CDH1: variants seen among roughly 807,000 people sequenced by gnomAD.
The protein encoded by CDH1 is cadherin-1.
In CDH1, 35 loss-of-function variants were observed where a neutral mutation model predicts 84.5. That is an observed-to-expected ratio of 0.41 (90% CI 0.32 to 0.55). CDH1 has a LOEUF of 0.55. Among genes scored for constraint, CDH1 ranks in the 20% least tolerant of loss-of-function variants. CDH1 has a pLI of 0.19. For synonymous variants in CDH1, 417 were observed against 439.0 expected (o/e 0.95, Z 0.63); for missense variants, 994 against 1,126.6 (o/e 0.88, Z 1.68).
At chr16:68,819,811 G>A (rs188679976) in intron 11 of CDH1, among the ~76,000 whole-genome samples, 231 of 152,236 alleles carry the variant, frequency 1.5e-3, no homozygotes, top group African/African-American at 4.9e-3. Flanking sequence ...TTATATGTCT[G>A]ATTCGTTTCA....
intron 9 of CDH1, among the ~76,000 whole-genome samples, chr16:68,814,051 A>G (rs941120819): frequency 6.6e-6 from 1 of 150,850 alleles, no homozygotes; most frequent in African/African-American, 2.4e-5. Context: ...CCTGACCAAC[A>G]TGGTGAAACC....
chr16:68,823,161 A>G (rs1420317135), intron 12 of CDH1: 3 of 508,584 alleles, frequency 5.9e-6, no homozygotes, highest in South Asian at 4.2e-5. Flanking sequence ...CCCTCCAGCC[A>G]CTAGGCAGCT....
At position 68,768,193 on chromosome 16, in the gene CDH1, G is replaced by T. The variant is rs8056338; in HGVS notation, c.163+29782G>T. Among the ~76,000 whole-genome samples the T allele has an allele frequency of 1.8e-4, 27 of 151,846 alleles. 1 individual carries two copies. Among genetic ancestry groups the T allele is most frequent in the African/African-American group, 6.5e-4 (27 of 41,428 alleles). ...AGTCCTGACCTCAGGTGATCTGTCC[G>T]CCTTGGCCTCCCGAAGTGCTGGGAT... On this transcript the variant is annotated intron_variant, in intron 2 of 15. Coordinates refer to ENST00000261769, the MANE Select transcript of CDH1 (RefSeq NM_004360.5).
chr16:68,788,903 G>A (rs1490377485), intron 2 of CDH1, among the ~76,000 whole-genome samples: 1 of 152,130 alleles, frequency 6.6e-6, no homozygotes, highest in Non-Finnish European at 1.5e-5. Context: ...TGCTTGGGAG[G>A]CTGAGGCAGG....
chr16:68,759,487 C>CTTTT (rs141278700), intron 2 of CDH1, among the ~76,000 whole-genome samples: 1 of 136,124 alleles, frequency 7.3e-6, no homozygotes. Flanking sequence ...TCTTTTCTTT[C>CTTTT]TTTTTTTTTT....
chr16:68,784,450 C>G (rs963608558), intron 2 of CDH1, among the ~76,000 whole-genome samples: 3 of 152,132 alleles, frequency 2.0e-5, no homozygotes, highest in African/African-American at 7.2e-5. Context: ...GGCAGCACCC[C>G]CTTCCCTCTC....
At chr16:68,796,552 A>G (rs548625179) in intron 2 of CDH1, among the ~76,000 whole-genome samples, 2 of 152,282 alleles carry the variant, frequency 1.3e-5, no homozygotes, top group Admixed American at 1.3e-4. Flanking sequence ...ATGTTGCTGA[A>G]TGCTCAGAGC....
intron 2 of CDH1, among the ~76,000 whole-genome samples, chr16:68,774,135 G>A (rs1159653871): frequency 6.6e-6 from 1 of 152,146 alleles, no homozygotes; most frequent in Non-Finnish European, 1.5e-5. Flanking sequence ...GGCTGGTCTT[G>A]ATTCCTGGCC....
Position 68,822,525 on chromosome 16 carries a change from C to A in CDH1, c.1936+300C>A, listed in dbSNP as rs954211046. The stretch of plus-strand genomic sequence containing the variant: ...ACCAGGACCATCTTCTCTGCTACCT[C>A]CTGCTCCTGGGACCAAACAACACCA... On this transcript the variant is annotated intron_variant, in intron 12 of 15. Transcript: ENST00000261769. 13 of 537,820 alleles carry A rather than the reference C, an allele frequency of 2.4e-5. No individual in the cohort carries two copies. The African/African-American group carries it at 2.4e-4, about 10-fold the overall frequency. The allele number at this position is 537,820 out of a possible 1,614,324, so 33.3% of individuals were successfully genotyped here.
chr16:68,811,370 T>C (rs936593250), intron 6 of CDH1, among the ~76,000 whole-genome samples: 7 of 125,912 alleles, frequency 5.6e-5, no homozygotes, highest in African/African-American at 2.2e-4. Context: ...CATTCCAGCC[T>C]GGGCAACAGG....
At chr16:68,829,353 G>A (rs1961414819) in intron 14 of CDH1, among the ~76,000 whole-genome samples, 1 of 152,192 alleles carries the variant, frequency 6.6e-6, no homozygotes, top group African/African-American at 2.4e-5. Context: ...AGCTGGGGTT[G>A]GGAGGGAGTG....
chr16:68,744,859 G>A (rs1366134111), intron 2 of CDH1, among the ~76,000 whole-genome samples: 1 of 152,110 alleles, frequency 6.6e-6, no homozygotes, highest in East Asian at 1.9e-4. Flanking sequence ...CATGTTTTAC[G>A]TTTGGTTCAA....
At chr16:68,760,915 G>A (rs1959214994) in intron 2 of CDH1, among the ~76,000 whole-genome samples, 1 of 152,200 alleles carries the variant, frequency 6.6e-6, no homozygotes, top group South Asian at 2.1e-4. Flanking sequence ...TTGGCTGAGA[G>A]GGGGATGCCC....
In CDH1 at chr16:68,737,351, C is replaced by G. The variant is rs914143790; in HGVS notation, c.-65C>G. The G allele has an allele frequency of 3.5e-5, 48 of 1,381,100 alleles. No homozygotes were observed. Among genetic ancestry groups the G allele is most frequent in the Admixed American group, 2.5e-4 (12 of 48,054 alleles). 85.6% of individuals were successfully genotyped at this position (1,381,100 alleles called of 1,614,324 possible). ...GCGGAAGTCAGTTCAGACTCCAGCC[C>G]GCTCCAGCCCGGCCCGACCCGACCG... On this transcript the variant is annotated 5_prime_UTR_variant, in exon 1 of 16. Coordinates refer to ENST00000261769, the MANE Select transcript of CDH1 (RefSeq NM_004360.5).
At chr16:68,826,483 C>G (rs1196254154) in intron 13 of CDH1, 1 of 152,116 alleles carries the variant, frequency 6.6e-6, no homozygotes, top group African/African-American at 2.4e-5. Flanking sequence ...GTGCTAGAGG[C>G]TGGGCACGGT....
At chr16:68,741,073 G>C (rs1250065268) in intron 2 of CDH1, among the ~76,000 whole-genome samples, 2 of 151,704 alleles carry the variant, frequency 1.3e-5, no homozygotes, top group Admixed American at 6.6e-5. Flanking sequence ...GTCAGACCCG[G>C]GGGAGGTGGC....
intron 3 of CDH1, among the ~76,000 whole-genome samples, chr16:68,803,087 G>T (rs1313647499): frequency 6.6e-6 from 1 of 152,128 alleles, no homozygotes; most frequent in East Asian, 1.9e-4. Context: ...CTCTCTGGGG[G>T]ATATTCTGGT....
At chr16:68,801,314 T>A (rs563470604) in intron 2 of CDH1, among the ~76,000 whole-genome samples, 18 of 152,050 alleles carry the variant, frequency 1.2e-4, no homozygotes, top group African/African-American at 4.3e-4. Flanking sequence ...CAGGGTTTCA[T>A]CATGTTGGCC....
At chr16:68,749,116 C>G (rs1962823683) in intron 2 of CDH1, among the ~76,000 whole-genome samples, 1 of 152,230 alleles carries the variant, frequency 6.6e-6, no homozygotes, top group African/African-American at 2.4e-5. Context: ...GGATTACAGG[C>G]ATGAGCCACC....
Sources: allele counts gnomAD v4.1 joint callset (sites outside exome capture counted in the v4.1 genomes callset), GRCh38; gene constraint gnomAD v4.1.1; transcripts MANE v1.5; gene names NCBI Gene and HGNC (gene_info 2026-07-23, HGNC 2026-07-21).